Variants in PRR16 observed in about 807,000 individuals in gnomAD.
The protein encoded by PRR16 is protein Largen.
PRR16 carries 6 observed loss-of-function variants against 18.2 expected under a neutral mutation model. That is an observed-to-expected ratio of 0.33 (90% CI 0.18 to 0.65). The LOEUF (loss-of-function observed/expected upper bound fraction) is 0.65. Ranked by LOEUF, PRR16 falls within the 30% of genes least tolerant of loss-of-function variation. PRR16 has a pLI of 0.74. For synonymous variants in PRR16, 151 were observed against 147.8 expected (o/e 1.02, Z -0.16); for missense variants, 412 against 376.6 (o/e 1.09, Z -0.78).
chr5:120,653,202 T>C (rs1755850250), intron 1 of PRR16, among the ~76,000 whole-genome samples: 1 of 151,902 alleles, frequency 6.6e-6, no homozygotes, highest in Non-Finnish European at 1.5e-5. Flanking sequence ...AGATTCTTGG[T>C]CTCTATGTTG....
chr5:120,776,076 C>CTAGA, the PRR16 span, among the ~76,000 whole-genome samples: 2 of 151,942 alleles, frequency 1.3e-5, no homozygotes, highest in South Asian at 4.2e-4. Flanking sequence ...GTCTAAGCTC[C>CTAGA]CTCTGGGGCC....
chr5:120,608,997 C>G (rs79072610), intron 1 of PRR16, among the ~76,000 whole-genome samples: 2,658 of 152,218 alleles, frequency 0.017, 80 homozygotes, highest in African/African-American at 0.06. Flanking sequence ...CCTTGAAACT[C>G]TTCGTATTCA....
intron 1 of PRR16, among the ~76,000 whole-genome samples, chr5:120,490,018 T>C (rs1749968706): frequency 6.6e-6 from 1 of 152,168 alleles, no homozygotes; most frequent in South Asian, 2.1e-4. Context: ...TGCCGAGAGA[T>C]CAGCTGTTAG....
chr5:120,550,540 G>T (rs992970325), intron 1 of PRR16, among the ~76,000 whole-genome samples: 1 of 152,002 alleles, frequency 6.6e-6, no homozygotes, highest in African/African-American at 2.4e-5. Context: ...ACAGAAATGA[G>T]TGGACTTCAA....
chr5:120,489,546 C>G (rs1580636527), intron 1 of PRR16, among the ~76,000 whole-genome samples: 1 of 152,208 alleles, frequency 6.6e-6, no homozygotes, highest in Non-Finnish European at 1.5e-5. Flanking sequence ...CTATGTGTGT[C>G]TCTGCACGTG....
chr5:120,630,176 A>T (rs1755006300), intron 1 of PRR16, among the ~76,000 whole-genome samples: 1 of 151,866 alleles, frequency 6.6e-6, no homozygotes, highest in African/African-American at 2.4e-5. Flanking sequence ...TTTATCATTT[A>T]CATCTCCTAA....
At chr5:120,620,201 A>C (rs181166795) in intron 1 of PRR16, among the ~76,000 whole-genome samples, 163 of 152,310 alleles carry the variant, frequency 1.1e-3, no homozygotes, top group African/African-American at 3.6e-3. Context: ...ATTCCATAAT[A>C]ACATAGTGCA....
chr5:120,549,420 C>G (rs1199097043), intron 1 of PRR16, among the ~76,000 whole-genome samples: 1 of 151,948 alleles, frequency 6.6e-6, no homozygotes, highest in East Asian at 1.9e-4. Flanking sequence ...GTTAGAATAA[C>G]CTTTTCAAAA....
chr5:120,582,321 G>C (rs939700759), intron 1 of PRR16, among the ~76,000 whole-genome samples: 1 of 152,140 alleles, frequency 6.6e-6, no homozygotes, highest in Non-Finnish European at 1.5e-5. Context: ...AAGGAGGGGA[G>C]TGAGGGTTGG....
At chr5:120,720,881 T>C in the PRR16 span, among the ~76,000 whole-genome samples, 3 of 152,020 alleles carry the variant, frequency 2.0e-5, no homozygotes, top group Non-Finnish European at 2.9e-5. Flanking sequence ...AATATTCAAA[T>C]ACCCTATCCT....
chr5:120,678,042 TG>T (rs1379990995), intron 1 of PRR16, among the ~76,000 whole-genome samples: 1 of 151,238 alleles, frequency 6.6e-6, no homozygotes, highest in Non-Finnish European at 1.5e-5. Flanking sequence ...CCCGAATAGC[TG>T]GGACTACAGG....
At chr5:120,587,450 A>AG (rs1753485304) in intron 1 of PRR16, among the ~76,000 whole-genome samples, 1 of 152,158 alleles carries the variant, frequency 6.6e-6, no homozygotes, top group Non-Finnish European at 1.5e-5. Context: ...CACTGTTTTT[A>AG]GGGGCTAATG....
At chr5:120,511,893 C>T (rs17146714) in intron 1 of PRR16, among the ~76,000 whole-genome samples, 9,820 of 152,202 alleles carry the variant, frequency 0.065, 713 homozygotes, top group African/African-American at 0.18. Context: ...AGTGAGAAAG[C>T]TTGCTCCTTC....
chr5:120,710,362 CTGAAAA>C, the PRR16 span, among the ~76,000 whole-genome samples: 1 of 151,974 alleles, frequency 6.6e-6, no homozygotes, highest in Admixed American at 6.6e-5. Flanking sequence ...TTTTTGGTTA[CTGAAAA>C]TCTCATAGGC....
intron 1 of PRR16, among the ~76,000 whole-genome samples, chr5:120,485,386 A>G (rs1478114873): frequency 6.6e-6 from 1 of 152,172 alleles, no homozygotes; most frequent in Non-Finnish European, 1.5e-5. Context: ...AAAAGACCAT[A>G]TAAGTAATTA....
chr5:120,652,052 G>A (rs1037836982), intron 1 of PRR16, among the ~76,000 whole-genome samples: 5 of 152,034 alleles, frequency 3.3e-5, no homozygotes, highest in African/African-American at 4.8e-5. Flanking sequence ...CACGTCCCTT[G>A]TAAGTCAAAT....
the PRR16 span, among the ~76,000 whole-genome samples, chr5:120,707,769 T>G: frequency 6.6e-6 from 1 of 152,172 alleles, no homozygotes; most frequent in African/African-American, 2.4e-5. Context: ...GACAATTATT[T>G]CAATTGTTAG....
intron 1 of PRR16, among the ~76,000 whole-genome samples, chr5:120,512,494 G>T (rs1194176750): frequency 2.0e-5 from 3 of 152,146 alleles, no homozygotes; most frequent in Non-Finnish European, 4.4e-5. Context: ...ATCAGAAAGG[G>T]ATGAATTGCA....
the PRR16 span, among the ~76,000 whole-genome samples, chr5:120,737,572 G>C: frequency 6.6e-6 from 1 of 151,054 alleles, no homozygotes; most frequent in African/African-American, 2.4e-5. Context: ...AGCTTTACCT[G>C]ACTTTTCAGA....
Sources: gnomAD v4.1 joint callset for allele counts (sites outside exome capture counted in the v4.1 genomes callset) on GRCh38, gnomAD v4.1.1 for gene constraint, MANE v1.5 for transcripts, NCBI Gene and HGNC (gene_info 2026-07-23, HGNC 2026-07-21) for gene names.